The following ZGRF1 variants were observed in gnomAD, a reference collection of about 807,000 sequenced individuals.
ZGRF1 encodes the protein zinc finger GRF-type containing 1, also known as 5'-3' DNA helicase ZGRF1.
ZGRF1 carries 196 observed loss-of-function variants against 203.5 expected under a neutral mutation model. The ratio of observed to expected loss-of-function variants is 0.96; its 90% CI spans 0.86 to 1.08. The LOEUF (loss-of-function observed/expected upper bound fraction) is 1.08. ZGRF1 is among the 50% of genes least tolerant of loss of function. ZGRF1 has a pLI of 0.00. For missense variants in ZGRF1, 2,326 were observed against 2,416.3 expected, an observed-to-expected ratio of 0.96 and a Z score of 0.78; for synonymous variants, 809 against 841.3, an observed-to-expected ratio of 0.96 and a Z score of 0.66.
At chr4:112,565,071 G>A in intron 16 of ZGRF1, 3 of 1,254,770 alleles carry the variant, frequency 2.4e-6, no homozygotes, top group Non-Finnish European at 3.5e-6. Context: ...CCGCTCGCAA[G>A]AGTGTGCCCT....
chr4:112,547,526 G>C (rs530270877), intron 23 of ZGRF1, 118 bp from the exon 24 acceptor site: 1 of 893,822 alleles, frequency 1.1e-6, no homozygotes, highest in Admixed American at 2.8e-5. Flanking sequence ...AGTATCCTGA[G>C]TACTAATAAA....
intron 10 of ZGRF1, among the ~76,000 whole-genome samples, chr4:112,594,130 AATTT>A (rs942684190): frequency 2.0e-5 from 3 of 151,804 alleles, no homozygotes; most frequent in African/African-American, 7.3e-5. Context: ...CAATTATCTC[AATTT>A]ATTTGTTTGT....
Position 112,584,087 on chromosome 4 carries a change from T to C in ZGRF1, c.4189A>G (p.Thr1397Ala). Residue 1397 changes from threonine (T) to alanine (A), a missense_variant, in exon 15 of 28, where the codon ACA becomes GCA. Coordinates refer to ENST00000505019, the MANE Select transcript of ZGRF1 (RefSeq NM_018392.5). ...ATGCCAGGTCGAGCTCCTTCCTGTGTTGAATATCCTGGAGTCACGTCCTCA... is the reference window on the plus strand; with the variant it reads ...ATGCCAGGTCGAGCTCCTTCCTGTGCTGAATATCCTGGAGTCACGTCCTCA... ...WLEDVTPGYSTQEGARPGMVL... is the reference protein window; with the variant it reads ...WLEDVTPGYSAQEGARPGMVL... 1 of 1,613,628 alleles carries C rather than the reference T, an allele frequency of 6.2e-7. No homozygotes were observed. Among genetic ancestry groups the C allele is most frequent in the Non-Finnish European group, 8.5e-7 (1 of 1,179,632 alleles).
chr4:112,631,841 G>A (rs2047421228), intron 3 of ZGRF1, 89 bp downstream of exon 3: 1 of 594,056 alleles, frequency 1.7e-6, no homozygotes, highest in Non-Finnish European at 2.9e-6. Context: ...GGATATATCT[G>A]ACATTTTATC....
intron 16 of ZGRF1, among the ~76,000 whole-genome samples, chr4:112,568,864 A>G (rs1743698540): frequency 6.6e-6 from 1 of 152,078 alleles, no homozygotes; most frequent in Non-Finnish European, 1.5e-5. Context: ...AAATACAAAA[A>G]TTAGCTGTGC....
At chr4:112,575,490 C>G (rs953527013) in intron 16 of ZGRF1, among the ~76,000 whole-genome samples, 4 of 152,176 alleles carry the variant, frequency 2.6e-5, no homozygotes, top group South Asian at 4.2e-4. Flanking sequence ...TCGCCTCACC[C>G]GGGAAGTGCA....
At position 112,633,211 on chromosome 4, in the gene ZGRF1, G is replaced by GAA. The variant is rs1317274195; in HGVS notation, c.-37_-36dup. ...TGAAGTTATAAACCAGCTGGGTCCA[G>GAA]AAAATAGGAAATATTCAACTATTTA... On this transcript the variant is annotated 5_prime_UTR_variant, in exon 2 of 28. Transcript: ENST00000505019. 6.4e-7 allele frequency: 1 copy of GAA among 1,567,966 alleles called. No homozygotes were observed. The highest frequency in any genetic ancestry group is 8.8e-7 in the Non-Finnish European group (1 of 1,142,416).
chr4:112,629,892 G>A (rs756256515), intron 3 of ZGRF1: 29 of 275,520 alleles, frequency 1.1e-4, no homozygotes, highest in Non-Finnish European at 1.7e-4. Context: ...GGTGGTGGGC[G>A]CTTGTAATCC....
chr4:112,554,759 T>C lies in ZGRF1; in HGVS notation c.5144A>G (p.Asn1715Ser), dbSNP rs1409481850. 6.5e-7 allele frequency: 1 copy of C among 1,540,604 alleles called. No homozygotes were observed. Residue 1715 changes from asparagine to serine, a missense_variant, in exon 21 of 28, where the codon AAC (asparagine) becomes AGC (serine). Transcript: ENST00000505019. ...LLGLLSLGFE[N>S]FIRVGSVRKI... Reference sequence around the variant, plus strand: ...CCTAACACTCCCAACTCTGATAAAGTTTTCAAATCCAAGACTGAGAAGCCT... The same window carrying C: ...CCTAACACTCCCAACTCTGATAAAGCTTTCAAATCCAAGACTGAGAAGCCT...
intron 4 of ZGRF1, 50 bp from the exon 5 acceptor site, chr4:112,620,240 A>G (rs770688746): frequency 4.7e-6 from 7 of 1,478,476 alleles, no homozygotes; most frequent in South Asian, 3.8e-5. Context: ...TTGATTATCT[A>G]TGTATTCCAG....
intron 10 of ZGRF1, among the ~76,000 whole-genome samples, chr4:112,595,023 C>G (rs1748763329): frequency 6.6e-6 from 1 of 151,890 alleles, no homozygotes; most frequent in Non-Finnish European, 1.5e-5. Flanking sequence ...AGGCAGATCA[C>G]CTGAGGTCAG....
intron 10 of ZGRF1, among the ~76,000 whole-genome samples, chr4:112,595,934 G>T (rs1255187890): frequency 6.6e-6 from 1 of 152,110 alleles, no homozygotes; most frequent in East Asian, 1.9e-4. Context: ...AGAATTTCTT[G>T]TAAGTCCAGA....
intron 13 of ZGRF1, among the ~76,000 whole-genome samples, chr4:112,586,239 C>A (rs1330603477): frequency 2.3e-4 from 33 of 141,298 alleles, no homozygotes; most frequent in South Asian, 2.2e-4. Context: ...GATCCTGTCT[C>A]AAAAAAAAAA....
At chr4:112,568,635 C>T (rs577761107) in intron 16 of ZGRF1, among the ~76,000 whole-genome samples, 11 of 143,806 alleles carry the variant, frequency 7.6e-5, no homozygotes, top group South Asian at 7.0e-4. Context: ...CGCTTGAACC[C>T]GGGAGGTGGA....
chr4:112,553,194 T>C (rs2148859740), intron 22 of ZGRF1, among the ~76,000 whole-genome samples: 1 of 152,326 alleles, frequency 6.6e-6, no homozygotes. Flanking sequence ...TCCATCCCCA[T>C]TGCTTTTCCC....
In ZGRF1 at chr4:112,606,000, A is replaced by C; in HGVS notation, c.2802+8T>G. On this transcript the variant is annotated splice_region_variant and intron_variant, in intron 9 of 27. Transcript: ENST00000505019. ...GTTAAATAAATCGATGTTCTTCACA[A>C]ATTTTACCTTAGGGTCACAGGTTTT... is the stretch of plus-strand genomic sequence containing the variant. 3 of 1,556,266 alleles carry C rather than the reference A, an allele frequency of 1.9e-6. No homozygotes were observed. The highest frequency in any genetic ancestry group is 2.6e-6 in the Non-Finnish European group (3 of 1,138,596).
rs1271302607 is a variant in ZGRF1, at chr4:112,564,175, C to G, written c.4439-901G>C. ...CAGATCAGTAAGGATATTAGCAGTT[C>G]TAGCAAGCTGAGAAATAATCACAAA... On this transcript the variant is annotated intron_variant, in intron 16 of 27. Transcript: ENST00000505019. Among the ~76,000 whole-genome samples the G allele has an allele frequency of 1.3e-5, 2 of 152,230 alleles. 1 individual carries two copies. The highest frequency in any genetic ancestry group is 4.1e-4 in the South Asian group (2 of 4,834).
At chr4:112,600,178 C>T (rs79336313) in intron 10 of ZGRF1, among the ~76,000 whole-genome samples, 2,185 of 152,030 alleles carry the variant, frequency 0.014, 17 homozygotes, top group Middle Eastern at 0.044. Context: ...ACTAGAGGCA[C>T]GCAACATGAC....
intron 16 of ZGRF1, among the ~76,000 whole-genome samples, chr4:112,564,691 T>C (rs986097648): frequency 3.3e-5 from 5 of 152,194 alleles, no homozygotes; most frequent in African/African-American, 4.8e-5. Context: ...TTAATTTTTT[T>C]TCCCCCAAAT....
Sources: gnomAD v4.1 joint callset for allele counts (sites outside exome capture counted in the v4.1 genomes callset) on GRCh38, gnomAD v4.1.1 for gene constraint, MANE v1.5 for transcripts, NCBI Gene and HGNC (gene_info 2026-07-23, HGNC 2026-07-21) for gene names.